The following DLGAP1 variants were observed in gnomAD, a reference collection of about 807,000 sequenced individuals.
The protein encoded by DLGAP1 is DLG associated protein 1, also known as disks large-associated protein 1.
In DLGAP1, 11 loss-of-function variants were observed where a neutral mutation model predicts 90.8. That is an observed-to-expected ratio of 0.12 (90% CI 0.08 to 0.20). The LOEUF (loss-of-function observed/expected upper bound fraction) is 0.20, where lower values mean the gene tolerates loss of function less well. Among genes scored for constraint, DLGAP1 ranks in the 10% least tolerant of loss-of-function variants. The probability of loss-of-function intolerance (pLI) is 1.00; values close to 1 mark genes in which losing one functional copy is unlikely to be tolerated. For synonymous variants in DLGAP1, 558 were observed against 540.7 expected (o/e 1.03, Z -0.44); for missense variants, 1,050 against 1,333.8 (o/e 0.79, Z 3.31).
At chr18:4,258,573 G>C (rs1475786129) in intron 1 of DLGAP1, among the ~76,000 whole-genome samples, 1 of 151,526 alleles carries the variant, frequency 6.6e-6, no homozygotes, top group Non-Finnish European at 1.5e-5. Context: ...CCTACACAAA[G>C]AAAAATATAA....
chr18:4,152,680 C>T (rs994676348), intron 1 of DLGAP1, among the ~76,000 whole-genome samples: 4 of 152,198 alleles, frequency 2.6e-5, no homozygotes, highest in Admixed American at 6.5e-5. Context: ...ACAACAGCCT[C>T]AGGCATGATA....
intron 5 of DLGAP1, among the ~76,000 whole-genome samples, chr18:3,760,741 G>GC (rs1253879538): frequency 6.6e-6 from 1 of 152,186 alleles, no homozygotes; most frequent in Non-Finnish European, 1.5e-5. Context: ...AATAACTCCT[G>GC]CAATTACCTT....
chr18:3,720,917 G>A (rs2061957716), intron 7 of DLGAP1, among the ~76,000 whole-genome samples: 1 of 72,166 alleles, frequency 1.4e-5, no homozygotes, highest in Non-Finnish European at 2.6e-5. Flanking sequence ...AAATTAGCTG[G>A]GCCTGGTATA....
chr18:4,377,117 A>C (rs2082029686), intron 1 of DLGAP1, among the ~76,000 whole-genome samples: 1 of 152,064 alleles, frequency 6.6e-6, no homozygotes, highest in Non-Finnish European at 1.5e-5. Flanking sequence ...AGTCACTGTT[A>C]TGCATTTCCC....
chr18:3,954,793 A>G (rs995851395), intron 3 of DLGAP1, among the ~76,000 whole-genome samples: 2 of 152,222 alleles, frequency 1.3e-5, no homozygotes, highest in Admixed American at 1.3e-4. Flanking sequence ...GACAAAACAT[A>G]TGATATAACT....
chr18:3,502,949 C>T (rs1005403331), intron 11 of DLGAP1, among the ~76,000 whole-genome samples: 4 of 151,120 alleles, frequency 2.6e-5, no homozygotes, highest in Non-Finnish European at 4.4e-5. Context: ...TACTACAGGA[C>T]GTATTTTAAA....
intron 1 of DLGAP1, among the ~76,000 whole-genome samples, chr18:4,234,160 G>T (rs1156282005): frequency 4.0e-5 from 6 of 149,052 alleles, no homozygotes; most frequent in Non-Finnish European, 8.9e-5. Flanking sequence ...TAACTATAAT[G>T]GTCCCTAATG....
At chr18:4,274,269 G>A (rs918599847) in intron 1 of DLGAP1, among the ~76,000 whole-genome samples, 2 of 151,760 alleles carry the variant, frequency 1.3e-5, no homozygotes, top group East Asian at 1.9e-4. Context: ...TCTTTGACCC[G>A]CTGGTTATTT....
chr18:3,598,611 G>T (rs1395383428), intron 7 of DLGAP1, among the ~76,000 whole-genome samples: 2 of 151,680 alleles, frequency 1.3e-5, no homozygotes, highest in Admixed American at 6.6e-5. Flanking sequence ...GGGATTACAG[G>T]TGCATGCCAC....
chr18:3,953,988 T>C (rs1159646710), intron 3 of DLGAP1, among the ~76,000 whole-genome samples: 1 of 152,224 alleles, frequency 6.6e-6, no homozygotes, highest in Non-Finnish European at 1.5e-5. Context: ...ACCATCGGAT[T>C]GTCCTGAGGA....
chr18:4,054,824 T>C (rs763813626), intron 2 of DLGAP1, among the ~76,000 whole-genome samples: 22 of 152,190 alleles, frequency 1.4e-4, no homozygotes, highest in Non-Finnish European at 2.6e-4. Context: ...AATAACATTT[T>C]CTTCAGTGTA....
At chr18:3,504,298 G>C (rs896458333) in intron 11 of DLGAP1, among the ~76,000 whole-genome samples, 1 of 152,056 alleles carries the variant, frequency 6.6e-6, no homozygotes, top group Non-Finnish European at 1.5e-5. Flanking sequence ...TACTGAATCA[G>C]ACACTTACAA....
rs916854010 is a variant in DLGAP1 at position 3,837,746 on chromosome 18, G to T, written c.958-23473C>A. On this transcript the variant is annotated intron_variant, in intron 4 of 12. Transcript: ENST00000315677. The stretch of plus-strand genomic sequence containing the variant: ...GTGTGCCTGTAAAGCCAGCTATTTG[G>T]GGGGCTAAGGCACGAGAATTGCTTG... Among the ~76,000 whole-genome samples the T allele has an allele frequency of 2.7e-5, 4 of 150,012 alleles. No individual in the cohort carries two copies. The East Asian group carries it at 8.0e-4, about 30-fold the overall frequency.
intron 4 of DLGAP1, among the ~76,000 whole-genome samples, chr18:3,858,020 C>T (rs2069756452): frequency 6.6e-6 from 1 of 152,110 alleles, no homozygotes; most frequent in Non-Finnish European, 1.5e-5. Flanking sequence ...TAATAACTTC[C>T]CAAATAGTAT....
chr18:4,161,937 A>T (rs1221027224), intron 1 of DLGAP1, among the ~76,000 whole-genome samples: 1 of 152,208 alleles, frequency 6.6e-6, no homozygotes, highest in African/African-American at 2.4e-5. Flanking sequence ...TGGGACAGTC[A>T]TTGAGATTTT....
chr18:3,546,982 A>ATGTGTCC (rs2053068436), intron 9 of DLGAP1, among the ~76,000 whole-genome samples: 1 of 152,076 alleles, frequency 6.6e-6, no homozygotes, highest in Admixed American at 6.6e-5. Flanking sequence ...CAGATAAAAA[A>ATGTGTCC]AAAAAAAAGG....
intron 3 of DLGAP1, among the ~76,000 whole-genome samples, chr18:3,943,071 G>A (rs1279490766): frequency 6.6e-6 from 1 of 151,848 alleles, no homozygotes; most frequent in Non-Finnish European, 1.5e-5. Flanking sequence ...GAGAAAATTG[G>A]TTACCATTTT....
At chr18:4,000,246 T>A (rs2074155238) in intron 3 of DLGAP1, among the ~76,000 whole-genome samples, 2 of 152,192 alleles carry the variant, frequency 1.3e-5, no homozygotes, top group South Asian at 4.1e-4. Context: ...CTCATCCTAC[T>A]ATGAATAAAA....
At chr18:3,795,619 T>C (rs1158845626) in intron 5 of DLGAP1, among the ~76,000 whole-genome samples, 1 of 152,160 alleles carries the variant, frequency 6.6e-6, no homozygotes, top group Non-Finnish European at 1.5e-5. Context: ...TGGCCTGTTT[T>C]CTATTTTTAA....
Sources: gnomAD v4.1 joint callset for allele counts (sites outside exome capture counted in the v4.1 genomes callset) on GRCh38, gnomAD v4.1.1 for gene constraint, MANE v1.5 for transcripts, NCBI Gene and HGNC (gene_info 2026-07-23, HGNC 2026-07-21) for gene names.